PPP4R1: variants seen among roughly 807,000 people sequenced by gnomAD.
The protein encoded by PPP4R1 is serine/threonine-protein phosphatase 4 regulatory subunit 1.
A neutral mutation model predicts 111.2 loss-of-function variants in PPP4R1; 42 were observed. That is an observed-to-expected ratio of 0.38 (90% confidence interval 0.29 to 0.49). The LOEUF (loss-of-function observed/expected upper bound fraction) is 0.49. PPP4R1 is among the 20% of genes least tolerant of loss of function. PPP4R1 has a pLI of 0.97. For synonymous variants in PPP4R1, 409 were observed against 405.5 expected (o/e 1.01, Z -0.10); for missense variants, 1,012 against 1,161.6 (o/e 0.87, Z 1.87).
chr18:9,594,920 A>T, intron 3 of PPP4R1, 98 bp downstream of exon 3: 1 of 1,406,186 alleles, frequency 7.1e-7, no homozygotes, highest in Non-Finnish European at 9.6e-7. Flanking sequence ...TGTGCCTGTT[A>T]ATAATACCTC....
chr18:9,555,737 C>T (rs1478440619), intron 15 of PPP4R1, among the ~76,000 whole-genome samples: 2 of 152,140 alleles, frequency 1.3e-5, no homozygotes, highest in Non-Finnish European at 2.9e-5. Flanking sequence ...CCAGTGACAC[C>T]TAGATTTAAG....
At chr18:9,558,616 G>A (rs2066624192) in intron 14 of PPP4R1, among the ~76,000 whole-genome samples, 1 of 151,426 alleles carries the variant, frequency 6.6e-6, no homozygotes. Flanking sequence ...TGAGTCAACA[G>A]CACTGATTCC....
chr18:9,582,796 C>T (rs544210583), intron 9 of PPP4R1, among the ~76,000 whole-genome samples: 40 of 152,172 alleles, frequency 2.6e-4, no homozygotes, highest in Admixed American at 1.3e-3. Context: ...CTGAATCCAG[C>T]GACATATAAA....
At chr18:9,554,628 A>G (rs1416420176) in intron 15 of PPP4R1, among the ~76,000 whole-genome samples, 1 of 152,186 alleles carries the variant, frequency 6.6e-6, no homozygotes, top group Admixed American at 6.5e-5. Flanking sequence ...TATCTCCTGA[A>G]AAGACCTAAA....
chr18:9,579,691 T>C (rs2066994534), intron 9 of PPP4R1, among the ~76,000 whole-genome samples: 1 of 152,218 alleles, frequency 6.6e-6, no homozygotes, highest in Non-Finnish European at 1.5e-5. Flanking sequence ...ATTGAACAAG[T>C]ACAGACTTTT....
In PPP4R1 at chr18:9,584,730, G is replaced by A. The variant is rs774680336; in HGVS notation, c.684C>T (p.His228=). 64 of 1,613,342 alleles carry A rather than the reference G, an allele frequency of 4.0e-5. No individual in the cohort carries two copies. Among genetic ancestry groups the A allele is most frequent in the Middle Eastern group, 1.6e-4 (1 of 6,082 alleles). The change falls in exon 7 of 20, where the codon CAC becomes CAT. Residue 228 remains histidine (H), a synonymous_variant. Transcript: ENST00000400556. Reference sequence around the variant, plus strand: ...AACGACAAAAAAATACCTTTCGAACGTGAAACATTCTGCAATCGCAGCACA... The same window carrying A: ...AACGACAAAAAAATACCTTTCGAACATGAAACATTCTGCAATCGCAGCACA... ...CEMCCDCRMF[H]VRKVCAANFG... is the part of the protein sequence containing the mutation.
intron 2 of PPP4R1, among the ~76,000 whole-genome samples, chr18:9,612,013 CAA>C (rs34046569): frequency 6.9e-6 from 1 of 145,708 alleles, no homozygotes; most frequent in African/African-American, 2.5e-5. Flanking sequence ...AACTCCATCT[CAA>C]AAAAAAAAAA....
intron 2 of PPP4R1, among the ~76,000 whole-genome samples, chr18:9,603,535 A>AG (rs2067427717): frequency 6.6e-6 from 1 of 152,284 alleles, no homozygotes; most frequent in East Asian, 1.9e-4. Context: ...TTTTTGAGAG[A>AG]GAGTCTCATG....
At position 9,583,202 on chromosome 18, in the gene PPP4R1, G is replaced by C. The variant is rs182385365; in HGVS notation, c.833C>G (p.Ala278Gly). 2 of 1,611,138 alleles carry C rather than the reference G, an allele frequency of 1.2e-6. No individual in the cohort carries two copies. The highest frequency in any genetic ancestry group is 1.7e-6 in the Non-Finnish European group (2 of 1,177,896). The stretch of plus-strand genomic sequence containing the variant: ...TTCTTGACATGTTGCACATGAAACC[G>C]CCATGAAGCATTCAGCACAAGCCTT... ...VRKACAECFM[A>G]VSCATCQEIR... The change falls in exon 9 of 20, where the codon GCG becomes GGG. Residue 278 changes from alanine (A) to glycine (G), a missense_variant. Physicochemically the swap from Ala to Gly is moderately conservative, Grantham distance 60 (BLOSUM62 0). Coordinates refer to ENST00000400556, the MANE Select transcript of PPP4R1 (RefSeq NM_001042388.3).
intron 6 of PPP4R1, among the ~76,000 whole-genome samples, chr18:9,586,775 C>T (rs1187802625): frequency 6.6e-6 from 1 of 152,036 alleles, no homozygotes; most frequent in East Asian, 1.9e-4. Context: ...AATAAATTTC[C>T]AGACGAATTT....
chr18:9,564,818 T>G (rs1481911226), intron 11 of PPP4R1, among the ~76,000 whole-genome samples: 3 of 134,322 alleles, frequency 2.2e-5, no homozygotes, highest in African/African-American at 7.7e-5. Flanking sequence ...GATACTACAC[T>G]TTGGCTTTTT....
intron 11 of PPP4R1, among the ~76,000 whole-genome samples, chr18:9,564,949 T>A (rs1310271681): frequency 1.3e-5 from 2 of 151,696 alleles, no homozygotes; most frequent in East Asian, 1.9e-4. Context: ...GCTCAAGCAA[T>A]CCTTCTGCCT....
chr18:9,550,003 T>C, intron 18 of PPP4R1, 49 bp downstream of exon 18: 3 of 1,612,056 alleles, frequency 1.9e-6, no homozygotes, highest in Non-Finnish European at 1.7e-6. Context: ...AAGAAGACAT[T>C]CTTCTAGGAG....
intron 10 of PPP4R1, among the ~76,000 whole-genome samples, chr18:9,575,072 T>C (rs1297836641): frequency 6.6e-6 from 1 of 152,210 alleles, no homozygotes; most frequent in Non-Finnish European, 1.5e-5. Flanking sequence ...AATCAATAAA[T>C]GCTTCAAAGA....
At chr18:9,584,454 C>A in intron 8 of PPP4R1, 61 bp downstream of exon 8, 3 of 1,421,950 alleles carry the variant, frequency 2.1e-6, no homozygotes, top group Admixed American at 2.3e-5. Flanking sequence ...GTGTGCATTT[C>A]AAACTTTATG....
chr18:9,584,546 A>G lies in PPP4R1; in HGVS notation c.728T>C (p.Val243Ala), dbSNP rs759175464. ...CAANFGDICSVVGQQATEEML... is the reference protein window; with the variant it reads ...CAANFGDICSAVGQQATEEML... ...TTCTTCAGTAGCTTGCTGGCCAACT[A>G]CACTGCAAATATCTCCAAAATTGGC... The change falls in exon 8 of 20, where the codon GTA becomes GCA. Residue 243 changes from valine to alanine, a missense_variant. By Grantham distance (64) the Val-to-Ala change is moderately conservative. Transcript: ENST00000400556. 2.5e-6 allele frequency: 4 copies of G among 1,613,494 alleles called. No individual in the cohort carries two copies. In the Admixed American group the frequency reaches 5.0e-5, roughly 20 times the overall value.
Position 9,549,460 on chromosome 18 carries a change from A to T in PPP4R1, c.2548-122T>A, listed in dbSNP as rs1441611287. On this transcript the variant is annotated intron_variant, in intron 18 of 19. Coordinates refer to ENST00000400556, the MANE Select transcript of PPP4R1 (RefSeq NM_001042388.3). Reference sequence around the variant, plus strand: ...TTTTAGTTATTGCTTTTTAACCAAAATTCCACGTACTTGGGAACTCAAATC... The same window carrying T: ...TTTTAGTTATTGCTTTTTAACCAAATTTCCACGTACTTGGGAACTCAAATC... 4 of 1,223,088 alleles carry T rather than the reference A, an allele frequency of 3.3e-6. No individual in the cohort carries two copies. The East Asian group carries it at 9.6e-5, about 29-fold the overall frequency. The allele number at this position is 1,223,088 out of a possible 1,614,324, so 75.8% of individuals were successfully genotyped here. A position where few individuals can be genotyped will look rare whatever the true frequency, so the allele number is the denominator to read the frequency against.
At chr18:9,581,171 A>G (rs1598927417) in intron 9 of PPP4R1, among the ~76,000 whole-genome samples, 5 of 149,276 alleles carry the variant, frequency 3.3e-5, no homozygotes, top group Admixed American at 3.3e-4. Flanking sequence ...AGGCAGGCAA[A>G]AAAAAAAAAA....
chr18:9,607,870 C>T (rs1391733345), intron 2 of PPP4R1, among the ~76,000 whole-genome samples: 1 of 150,790 alleles, frequency 6.6e-6, no homozygotes, highest in Non-Finnish European at 1.5e-5. Context: ...GCAACCTCTG[C>T]CTCCCAGGTT....
Sources: allele counts gnomAD v4.1 joint callset (sites outside exome capture counted in the v4.1 genomes callset), GRCh38; gene constraint gnomAD v4.1.1; transcripts MANE v1.5; gene names NCBI Gene and HGNC (gene_info 2026-07-23, HGNC 2026-07-21).